Variants in PPFIBP1 observed in about 807,000 individuals in gnomAD.
The protein encoded by PPFIBP1 is liprin-beta-1.
A neutral mutation model predicts 137.8 loss-of-function variants in PPFIBP1; 112 were observed. The ratio of observed to expected loss-of-function variants is 0.81; its 90% CI spans 0.70 to 0.95. PPFIBP1 has a LOEUF of 0.95. PPFIBP1 is among the 40% of genes least tolerant of loss of function. The pLI, the probability that PPFIBP1 is intolerant of heterozygous loss-of-function variation, is 0.00. For synonymous variants in PPFIBP1, 378 were observed against 417.3 expected, an observed-to-expected ratio of 0.91 and a Z score of 1.15; for missense variants, 1,083 against 1,196.6, an observed-to-expected ratio of 0.91 and a Z score of 1.40.
intron 1 of PPFIBP1, among the ~76,000 whole-genome samples, chr12:27,532,961 G>A (rs1944571806): frequency 6.6e-6 from 1 of 152,090 alleles, no homozygotes. Flanking sequence ...CAAGGGGAGG[G>A]AGAAGGACAG....
In PPFIBP1 at chr12:27,635,433, A is replaced by G. The variant is rs2057586696; in HGVS notation, c.270+318A>G. On this transcript the variant is annotated intron_variant, in intron 4 of 29. Transcript: ENST00000228425. ...TAAGGGAAAGAATCTTGCACATGAT[A>G]GATGATTTCTCAGTCATATTGGGTT... 6 of 495,554 alleles carry G rather than the reference A, an allele frequency of 1.2e-5. No individual in the cohort carries two copies. The South Asian group carries it at 1.9e-4, about 16-fold the overall frequency. The allele number at this position is 495,554 out of a possible 1,614,324, so 30.7% of individuals were successfully genotyped here.
At chr12:27,656,942 C>A in intron 9 of PPFIBP1, 1 of 440,278 alleles carries the variant, frequency 2.3e-6, no homozygotes, top group South Asian at 2.5e-5. Context: ...AAGGGGAATT[C>A]TGTACTTTAT....
At chr12:27,538,632 T>C (rs1367783262) in intron 1 of PPFIBP1, among the ~76,000 whole-genome samples, 1 of 152,196 alleles carries the variant, frequency 6.6e-6, no homozygotes, top group African/African-American at 2.4e-5. Context: ...TGCTACCTGG[T>C]AGGAACTCAG....
rs1297220134 is a variant in PPFIBP1, at chr12:27,662,482, A to T, written c.906+1537A>T. On this transcript the variant is annotated intron_variant, in intron 11 of 29. Coordinates refer to ENST00000228425, the MANE Select transcript of PPFIBP1 (RefSeq NM_003622.4). ...CAAACAGTTAAGAGTCAGTTAAAAT[A>T]GGTGAGAAATGAAGAGGGCTTGAAG... is the stretch of plus-strand genomic sequence containing the variant. Among the ~76,000 whole-genome samples the T allele has an allele frequency of 2.6e-5, 4 of 152,362 alleles. No individual in the cohort carries two copies. The South Asian group carries it at 8.3e-4, about 32-fold the overall frequency.
intron 4 of PPFIBP1, among the ~76,000 whole-genome samples, chr12:27,645,131 G>A (rs1176533577): frequency 1.3e-5 from 2 of 152,236 alleles, no homozygotes; most frequent in East Asian, 1.9e-4. Context: ...GTTGAACCCT[G>A]GGTGGCCCCA....
At chr12:27,673,526 C>T (rs182208453) in intron 15 of PPFIBP1, among the ~76,000 whole-genome samples, 1 of 152,302 alleles carries the variant, frequency 6.6e-6, no homozygotes, top group East Asian at 1.9e-4. Flanking sequence ...AAGTGCTTTT[C>T]CAGCTCTTCT....
intron 9 of PPFIBP1, among the ~76,000 whole-genome samples, chr12:27,658,160 A>G (rs1198399247): frequency 6.6e-6 from 1 of 150,890 alleles, no homozygotes; most frequent in African/African-American, 2.4e-5. Flanking sequence ...AAAAAAAAGA[A>G]TAAAATGGCA....
At chr12:27,538,928 A>C (rs1361896752) in intron 1 of PPFIBP1, among the ~76,000 whole-genome samples, 1 of 152,138 alleles carries the variant, frequency 6.6e-6, no homozygotes, top group African/African-American at 2.4e-5. Context: ...ATGTCAAGAG[A>C]CATTTTTTGT....
chr12:27,530,859 C>T (rs57426538), intron 1 of PPFIBP1, among the ~76,000 whole-genome samples: 25,379 of 152,090 alleles, frequency 0.17, 2,355 homozygotes, highest in Middle Eastern at 0.26. Flanking sequence ...CAGGCCATCG[C>T]GTGACCAAAG....
At position 27,692,592 on chromosome 12, in the gene PPFIBP1, T is replaced by C. The variant is rs1273187002; in HGVS notation, c.2867T>C (p.Met956Thr). 6.2e-7 allele frequency: 1 copy of C among 1,613,508 alleles called. No individual in the cohort carries two copies. The highest frequency in any genetic ancestry group is 1.7e-5 in the Admixed American group (1 of 60,022). Residue 956 changes from methionine (M) to threonine (T), a missense_variant and splice_region_variant, in exon 29 of 30, where the codon ATG becomes ACG. Coordinates refer to ENST00000228425, the MANE Select transcript of PPFIBP1 (RefSeq NM_003622.4). ...CATGTTATGGTTTGTTATTTGCAGA[T>C]GGAAGATTCAGAAGGGACAGTGAGA... ...EEDDLDRLEQMEDSEGTVRQI... is the reference protein window; with the variant it reads ...EEDDLDRLEQTEDSEGTVRQI...
At chr12:27,637,460 A>T (rs2057763091) in intron 4 of PPFIBP1, 1 of 152,220 alleles carries the variant, frequency 6.6e-6, no homozygotes, top group African/African-American at 2.4e-5. Flanking sequence ...ACTAATGAAG[A>T]TTCCGTTTTT....
In PPFIBP1 at chr12:27,687,509, T is replaced by C. The variant is rs1385289153; in HGVS notation, c.2370+2T>C. 5 of 1,613,326 alleles carry C rather than the reference T, an allele frequency of 3.1e-6. No homozygotes were observed. Among genetic ancestry groups the C allele is most frequent in the Non-Finnish European group, 4.2e-6 (5 of 1,179,544 alleles). On this transcript the variant is annotated splice_donor_variant, in intron 25 of 29. Coordinates refer to ENST00000228425, the MANE Select transcript of PPFIBP1 (RefSeq NM_003622.4). LOFTEE classifies it high-confidence loss of function. ...CTACGGAGGCGGCCATCTGATGAGG[T>C]AGTGTTTTAAGATTGAGGTTTATAA...
intron 4 of PPFIBP1, chr12:27,635,900 A>G (rs1316476238): frequency 6.6e-6 from 1 of 152,248 alleles, no homozygotes; most frequent in Admixed American, 6.5e-5. Context: ...GAATGTCACA[A>G]AAACAGATTC....
At chr12:27,659,935 G>A (rs1386049869) in intron 10 of PPFIBP1, among the ~76,000 whole-genome samples, 1 of 152,006 alleles carries the variant, frequency 6.6e-6, no homozygotes, top group Non-Finnish European at 1.5e-5. Context: ...AGAGGAAGAT[G>A]CTGTCTCTAA....
At chr12:27,647,147 A>G (rs112254984) in intron 5 of PPFIBP1, among the ~76,000 whole-genome samples, 126 of 152,244 alleles carry the variant, frequency 8.3e-4, no homozygotes, top group African/African-American at 2.7e-3. Context: ...GATTACAGGC[A>G]CATGCCCCCA....
At position 27,633,441 on chromosome 12, in the gene PPFIBP1, G is replaced by A. The variant is rs2057399533; in HGVS notation, c.45G>A (p.Gln15=). 1 of 1,612,960 alleles carries A rather than the reference G, an allele frequency of 6.2e-7. No individual in the cohort carries two copies. Among genetic ancestry groups the A allele is most frequent in the African/African-American group, 1.3e-5 (1 of 74,892 alleles). ...ASDMLAAALE[Q]MDGIIAGSKA... ...ACATGTTGGCTGCAGCGTTGGAGCA[G>A]ATGGATGGTATCATAGCAGGTGATC... is the stretch of plus-strand genomic sequence containing the variant. The change falls in exon 3 of 30, where the codon CAG becomes CAA. Residue 15 remains glutamine, a synonymous_variant. Transcript: ENST00000228425.
chr12:27,663,216 AT>A (rs2059656243), intron 11 of PPFIBP1, among the ~76,000 whole-genome samples: 1 of 152,118 alleles, frequency 6.6e-6, no homozygotes, highest in Non-Finnish European at 1.5e-5. Context: ...CAAAGGGCAA[AT>A]GTTATTCAAG....
chr12:27,551,647 GT>G (rs1314437676), intron 1 of PPFIBP1, among the ~76,000 whole-genome samples: 1 of 152,190 alleles, frequency 6.6e-6, no homozygotes, highest in Non-Finnish European at 1.5e-5. Context: ...GCTACGGCGT[GT>G]AGTCTCCGGT....
At chr12:27,566,136 G>C (rs1205557151) in intron 1 of PPFIBP1, among the ~76,000 whole-genome samples, 2 of 151,874 alleles carry the variant, frequency 1.3e-5, no homozygotes, top group Non-Finnish European at 2.9e-5. Context: ...CCCAGTGGTA[G>C]GTATCGAATA....
Sources: allele counts gnomAD v4.1 joint callset (sites outside exome capture counted in the v4.1 genomes callset), GRCh38; gene constraint gnomAD v4.1.1; transcripts MANE v1.5; gene names NCBI Gene and HGNC (gene_info 2026-07-23, HGNC 2026-07-21).